Variants in CDCA2 observed in about 807,000 individuals in gnomAD.
CDCA2 encodes cell division cycle associated 2, also known as cell division cycle-associated protein 2.
In CDCA2, 44 loss-of-function variants were observed where a neutral mutation model predicts 67.0. The ratio of observed to expected loss-of-function variants is 0.66; its 90% CI spans 0.52 to 0.84. The LOEUF is 0.84. CDCA2 is among the 40% of genes least tolerant of loss of function. The pLI, the probability that CDCA2 is intolerant of heterozygous loss-of-function variation, is 0.00. For synonymous variants in CDCA2, 447 were observed against 418.7 expected (o/e 1.07, Z -0.82); for missense variants, 1,253 against 1,203.2 (o/e 1.04, Z -0.61).
At chr8:25,472,286 G>A (rs1326347828) in intron 7 of CDCA2, 2 of 148,732 alleles carry the variant, frequency 1.3e-5, no homozygotes, top group East Asian at 3.9e-4. Context: ...GAGTCTTGCT[G>A]TGTCACCCAG....
At chr8:25,467,433 T>C (rs1286573305) in intron 5 of CDCA2, among the ~76,000 whole-genome samples, 1 of 152,220 alleles carries the variant, frequency 6.6e-6, no homozygotes, top group East Asian at 1.9e-4. Context: ...ACTTATTGTT[T>C]CAGTTTTTTC....
chr8:25,504,798 T>C (rs3763522), intron 14 of CDCA2, among the ~76,000 whole-genome samples: 85,679 of 152,042 alleles, frequency 0.56, 25,921 homozygotes, highest in Middle Eastern at 0.66. Flanking sequence ...GTATTGTCTG[T>C]TTTTCCAGGA....
At chr8:25,478,912 A>ATATATATATATT (rs1803459884) in intron 7 of CDCA2, among the ~76,000 whole-genome samples, 1 of 149,122 alleles carries the variant, frequency 6.7e-6, no homozygotes, top group African/African-American at 2.5e-5. Context: ...ATATATATAT[A>ATATATATATATT]TTAACTTTTT....
At position 25,485,121 on chromosome 8, in the gene CDCA2, A is replaced by G. The variant is rs1005042164; in HGVS notation, c.1366-638A>G. 2.6e-5 allele frequency among the ~76,000 whole-genome samples: 4 copies of G among 151,514 alleles called. No individual in the cohort carries two copies. In the East Asian group the frequency reaches 5.8e-4, roughly 22 times the overall value. On this transcript the variant is annotated intron_variant, in intron 10 of 14. Transcript: ENST00000330560. ...GTTGCAGAAAAAGCAGCACACCAACATGGCACGTGTATACATAACAAACCT... is the reference window on the plus strand; with the variant it reads ...GTTGCAGAAAAAGCAGCACACCAACGTGGCACGTGTATACATAACAAACCT...
intron 7 of CDCA2, chr8:25,472,257 A>AT (rs60092750): frequency 5.6e-4 from 80 of 142,032 alleles, no homozygotes; most frequent in East Asian, 1.2e-3. Flanking sequence ...TTTTTTATTT[A>AT]TTTTTTTTTT....
At position 25,506,587 on chromosome 8, in the gene CDCA2, C is replaced by A; in HGVS notation, c.1921C>A (p.His641Asn). The stretch of plus-strand genomic sequence containing the variant: ...AGTGAAAAGAAAGGATCTTTTGCGT[C>A]ATGACCCAGATTTGCATATGCATCA... ...NPVKRKDLLR[H>N]DPDLHMHQGY... The change falls in exon 15 of 15, where the codon CAT becomes AAT. Residue 641 changes from histidine (H) to asparagine (N), a missense_variant. Transcript: ENST00000330560. The A allele has an allele frequency of 6.2e-7, 1 of 1,605,732 alleles. No individual in the cohort carries two copies. The highest frequency in any genetic ancestry group is 8.5e-7 in the Non-Finnish European group (1 of 1,178,046).
At position 25,483,426 on chromosome 8, in the gene CDCA2, G is replaced by C; in HGVS notation, c.1060G>C (p.Asp354His). The part of the protein sequence containing the change: ...QEHCNNLYDD[D>H]GTHPSLISNL... The stretch of plus-strand genomic sequence containing the variant: ...ACACTGTAACAACCTCTATGATGAT[G>C]ATGGGACTCATCCGAGCTTAATCTC... Residue 354 changes from aspartate to histidine, a missense_variant, in exon 9 of 15, where the codon GAT becomes CAT. Transcript: ENST00000330560. The C allele has an allele frequency of 6.2e-7, 1 of 1,610,496 alleles. No individual in the cohort carries two copies. Among genetic ancestry groups the C allele is most frequent in the South Asian group, 1.1e-5 (1 of 90,458 alleles).
chr8:25,480,223 G>T, intron 8 of CDCA2, 99 bp downstream of exon 8: 1 of 996,538 alleles, frequency 1.0e-6, no homozygotes. Flanking sequence ...AGTTTAAAAG[G>T]AAATGTCTTA....
At chr8:25,461,208 C>A (rs771236686) in intron 3 of CDCA2, among the ~76,000 whole-genome samples, 2 of 143,980 alleles carry the variant, frequency 1.4e-5, no homozygotes, top group African/African-American at 2.6e-5. Flanking sequence ...CAGAGGTTAC[C>A]GTGAGTCGAA....
chr8:25,495,542 G>T (rs1804185413), intron 13 of CDCA2, among the ~76,000 whole-genome samples: 1 of 152,072 alleles, frequency 6.6e-6, no homozygotes, highest in Non-Finnish European at 1.5e-5. Context: ...GGCCTCCCGA[G>T]TAGCTAGGAA....
rs187785308 is a variant in CDCA2, at chr8:25,476,632, A to G, written c.821-3281A>G. Among the ~76,000 whole-genome samples, 540 of 151,016 alleles carry G rather than the reference A, an allele frequency of 3.6e-3. 4 individuals are homozygous for G. Among genetic ancestry groups the G allele is most frequent in the Non-Finnish European group, 5.9e-3 (398 of 67,764 alleles). ...CAATGGTGCGGCCCCAGCTCACTGCAACCTCTGCCTCCTGGGTTCAGGTGA... is the reference window on the plus strand; with the variant it reads ...CAATGGTGCGGCCCCAGCTCACTGCGACCTCTGCCTCCTGGGTTCAGGTGA... On this transcript the variant is annotated intron_variant, in intron 7 of 14. Transcript: ENST00000330560.
At chr8:25,495,274 T>A (rs1449487394) in intron 13 of CDCA2, among the ~76,000 whole-genome samples, 2 of 152,172 alleles carry the variant, frequency 1.3e-5, no homozygotes, top group African/African-American at 4.8e-5. Flanking sequence ...TTTACCTGAC[T>A]ATGAAACAAA....
intron 13 of CDCA2, 148 bp from the exon 14 acceptor site, chr8:25,503,225 G>A: frequency 1.6e-6 from 1 of 626,710 alleles, no homozygotes; most frequent in Non-Finnish European, 2.8e-6. Context: ...AGAAGTTGCA[G>A]TGAGCTGAGA....
rs1333854572 is a variant in CDCA2 at position 25,497,508 on chromosome 8, A to T, written c.1672-5865A>T. Among the ~76,000 whole-genome samples, 11 of 91,616 alleles carry T rather than the reference A, an allele frequency of 1.2e-4. No individual in the cohort carries two copies. In the South Asian group the frequency reaches 2.4e-3, roughly 20 times the overall value. 60.1% of individuals were successfully genotyped at this position (91,616 alleles called of 152,430 possible). A position where few individuals can be genotyped will look rare whatever the true frequency, so the allele number is the denominator to read the frequency against. On this transcript the variant is annotated intron_variant, in intron 13 of 14. Transcript: ENST00000330560. ...TGGAATCTTTAAAAAATAAAAAATAAAAAAAAAAAAAACTCACAGAAGCTG... is the reference window on the plus strand; with the variant it reads ...TGGAATCTTTAAAAAATAAAAAATATAAAAAAAAAAAACTCACAGAAGCTG...
chr8:25,482,055 G>A (rs1803592076), intron 8 of CDCA2, among the ~76,000 whole-genome samples: 1 of 152,176 alleles, frequency 6.6e-6, no homozygotes. Flanking sequence ...GTGATTAAGA[G>A]GGAACTTTGA....
chr8:25,492,754 G>A (rs1224851835), intron 13 of CDCA2, among the ~76,000 whole-genome samples: 2 of 152,212 alleles, frequency 1.3e-5, no homozygotes, highest in Non-Finnish European at 2.9e-5. Flanking sequence ...AACTAAGGAC[G>A]AAGCTTTTAA....
intron 4 of CDCA2, among the ~76,000 whole-genome samples, chr8:25,463,432 G>C (rs915462131): frequency 5.3e-5 from 8 of 152,178 alleles, no homozygotes; most frequent in African/African-American, 1.9e-4. Context: ...TCATGCATTT[G>C]TGGTGAGGCT....
chr8:25,498,534 T>C (rs1356181387), intron 13 of CDCA2, among the ~76,000 whole-genome samples: 2 of 146,694 alleles, frequency 1.4e-5, no homozygotes, highest in African/African-American at 2.5e-5. Flanking sequence ...TTTTAAGTTT[T>C]GTGATCATTT....
In CDCA2 at chr8:25,460,455, C is replaced by T; in HGVS notation, c.133C>T (p.Pro45Ser). The change falls in exon 3 of 15, where the codon CCT becomes TCT. Residue 45 changes from proline to serine, a missense_variant. Pro to Ser is a moderately conservative substitution (Grantham distance 74). Coordinates refer to ENST00000330560, the MANE Select transcript of CDCA2 (RefSeq NM_152562.4). ...PQKHAELPPN[P>S]CTPDTFKSPL... The stretch of plus-strand genomic sequence containing the variant: ...GAAGCATGCCGAATTACCTCCTAAT[C>T]CTTGCACACCAGATACTTTTAAATC... The T allele has an allele frequency of 6.2e-7, 1 of 1,614,168 alleles. No homozygotes were observed. Among genetic ancestry groups the T allele is most frequent in the South Asian group, 1.1e-5 (1 of 91,088 alleles).
Sources: allele counts gnomAD v4.1 joint callset (sites outside exome capture counted in the v4.1 genomes callset), GRCh38; gene constraint gnomAD v4.1.1; transcripts MANE v1.5; gene names NCBI Gene and HGNC (gene_info 2026-07-23, HGNC 2026-07-21).